The following AGBL1 variants were observed in gnomAD, a reference collection of about 807,000 sequenced individuals.
AGBL1 encodes cytosolic carboxypeptidase 4.
AGBL1 carries 130 observed loss-of-function variants against 118.9 expected under a neutral mutation model. The ratio of observed to expected loss-of-function variants is 1.09; its 90% CI spans 0.95 to 1.26. AGBL1 has a LOEUF of 1.26. Among genes scored for constraint, AGBL1 ranks in the 50% most tolerant of loss-of-function variants. AGBL1 has a pLI of 0.00. For synonymous variants in AGBL1, 555 were observed against 478.9 expected (o/e 1.16, Z -2.08); for missense variants, 1,584 against 1,298.1 (o/e 1.22, Z -3.38).
rs1896319963 is a variant in AGBL1, at chr15:86,095,646, C to CTTTTTTTTTTTTTTTTTT, written c.51+15623_51+15624insTTTTTTTTTTTTTTTTTT. ...TCATAATGTCACATGACCTTGGATA[C>CTTTTTTTTTTTTTTTTTT]CTTTTTTTTTTTTTTTTTTTTTTTT... On this transcript the variant is annotated intron_variant, in intron 1 of 22. Transcript: ENST00000614907. 6.0e-5 allele frequency among the ~76,000 whole-genome samples: 7 copies of CTTTTTTTTTTTTTTTTTT among 116,684 alleles called. 3 individuals carry two copies. Among genetic ancestry groups the CTTTTTTTTTTTTTTTTTT allele is most frequent in the Non-Finnish European group, 7.0e-5 (4 of 57,540 alleles). 76.5% of individuals were successfully genotyped at this position (116,684 alleles called of 152,430 possible). A position where few individuals can be genotyped will look rare whatever the true frequency, so the allele number is the denominator to read the frequency against.
chr15:86,700,080 A>G (rs1174750357), intron 22 of AGBL1, among the ~76,000 whole-genome samples: 2 of 151,946 alleles, frequency 1.3e-5, no homozygotes, highest in African/African-American at 2.4e-5. Context: ...ATTTAGGTAT[A>G]TATCTATGGA....
chr15:86,258,270 A>G (rs1465624486), intron 9 of AGBL1, among the ~76,000 whole-genome samples: 2 of 152,198 alleles, frequency 1.3e-5, no homozygotes, highest in Admixed American at 1.3e-4. Flanking sequence ...TATCCTATAC[A>G]TTATTATGAC....
intron 17 of AGBL1, among the ~76,000 whole-genome samples, chr15:86,386,677 C>T (rs927858705): frequency 6.6e-6 from 1 of 152,064 alleles, no homozygotes; most frequent in African/African-American, 2.4e-5. Context: ...CACTCCTCCT[C>T]TTTCAATCCC....
intron 22 of AGBL1, among the ~76,000 whole-genome samples, chr15:86,864,838 T>C (rs1225041095): frequency 6.6e-6 from 1 of 152,184 alleles, no homozygotes; most frequent in Non-Finnish European, 1.5e-5. Flanking sequence ...CACTGTGCTA[T>C]GGATGTCTAT....
At chr15:86,205,997 G>C (rs959589694) in intron 5 of AGBL1, among the ~76,000 whole-genome samples, 6 of 152,066 alleles carry the variant, frequency 3.9e-5, no homozygotes, top group African/African-American at 1.4e-4. Context: ...CCCCACGACA[G>C]TCCTCTGTGT....
intron 18 of AGBL1, among the ~76,000 whole-genome samples, chr15:86,472,447 T>C (rs1354088127): frequency 1.3e-5 from 2 of 152,202 alleles, no homozygotes; most frequent in Non-Finnish European, 2.9e-5. Context: ...CTTTGTGTGC[T>C]CTAGTCACAG....
chr15:86,988,996 C>CTTTTT (rs762271338), intron 24 of AGBL1, among the ~76,000 whole-genome samples: 1 of 114,360 alleles, frequency 8.7e-6, no homozygotes, highest in Non-Finnish European at 1.8e-5. Context: ...TTTCCCCCTG[C>CTTTTT]TTTTTTTTTT....
chr15:86,820,485 C>T (rs1163143736), intron 22 of AGBL1, among the ~76,000 whole-genome samples: 1 of 151,880 alleles, frequency 6.6e-6, no homozygotes, highest in African/African-American at 2.4e-5. Flanking sequence ...AACAAATTTA[C>T]ATGAAAAAAC....
At chr15:86,860,137 G>A (rs1458173602) in intron 22 of AGBL1, among the ~76,000 whole-genome samples, 1 of 152,084 alleles carries the variant, frequency 6.6e-6, no homozygotes, top group East Asian at 1.9e-4. Context: ...TGTAAAAACG[G>A]TGAACTTAGG....
At chr15:86,468,012 T>A (rs1488633442) in intron 18 of AGBL1, among the ~76,000 whole-genome samples, 1 of 152,244 alleles carries the variant, frequency 6.6e-6, no homozygotes, top group Admixed American at 6.5e-5. Flanking sequence ...TTTACTAGCA[T>A]GTTTCTGCCC....
At chr15:86,635,355 C>T (rs879748493) in intron 21 of AGBL1, among the ~76,000 whole-genome samples, 1 of 140,336 alleles carries the variant, frequency 7.1e-6, no homozygotes, top group Non-Finnish European at 1.5e-5. Flanking sequence ...TCTTACTCCT[C>T]CTCCTCCTTC....
At chr15:86,475,934 A>C (rs916062895) in intron 18 of AGBL1, among the ~76,000 whole-genome samples, 3 of 152,212 alleles carry the variant, frequency 2.0e-5, no homozygotes, top group Admixed American at 2.0e-4. Flanking sequence ...ATTCTTAAAG[A>C]AACGAATTTT....
chr15:86,241,395 C>CT (rs545345976), intron 6 of AGBL1, among the ~76,000 whole-genome samples: 16 of 152,192 alleles, frequency 1.1e-4, no homozygotes, highest in Non-Finnish European at 2.2e-4. Context: ...TTATTTTTAT[C>CT]TTTTTTATAT....
At chr15:86,989,282 T>G (rs1367744413) in intron 24 of AGBL1, among the ~76,000 whole-genome samples, 1 of 152,196 alleles carries the variant, frequency 6.6e-6, no homozygotes, top group Admixed American at 6.5e-5. Flanking sequence ...ATTACAGGCA[T>G]GAGCCACCAC....
intron 21 of AGBL1, among the ~76,000 whole-genome samples, chr15:86,628,223 C>T (rs1436638317): frequency 1.3e-5 from 2 of 152,164 alleles, no homozygotes; most frequent in East Asian, 1.9e-4. Context: ...GAAGCCCCCG[C>T]ATTTCCATTC....
chr15:86,137,695 A>G (rs1034226766), intron 1 of AGBL1, among the ~76,000 whole-genome samples: 2 of 152,100 alleles, frequency 1.3e-5, no homozygotes, highest in African/African-American at 2.4e-5. Flanking sequence ...ATCCTCCTCT[A>G]AACCAACCAC....
At chr15:86,259,351 T>C (rs12910490) in intron 9 of AGBL1, among the ~76,000 whole-genome samples, 43,718 of 152,164 alleles carry the variant, frequency 0.29, 7,484 homozygotes, top group Non-Finnish European at 0.38. Flanking sequence ...ACAAATTCCT[T>C]TAAGTTATAG....
chr15:86,765,495 C>T (rs1298984894), intron 22 of AGBL1, among the ~76,000 whole-genome samples: 2 of 152,010 alleles, frequency 1.3e-5, no homozygotes, highest in East Asian at 3.9e-4. Flanking sequence ...TCAGAAGACA[C>T]ATCGTGGAGA....
chr15:86,863,668 C>G (rs867593411), intron 22 of AGBL1, among the ~76,000 whole-genome samples: 3 of 152,112 alleles, frequency 2.0e-5, no homozygotes, highest in Non-Finnish European at 2.9e-5. Flanking sequence ...ATGGGACTTT[C>G]CCTGTGAGTA....
Sources: allele counts gnomAD v4.1 joint callset (sites outside exome capture counted in the v4.1 genomes callset), GRCh38; gene constraint gnomAD v4.1.1; transcripts MANE v1.5; gene names NCBI Gene and HGNC (gene_info 2026-07-23, HGNC 2026-07-21).